Variants in PDE10A observed in about 807,000 individuals in gnomAD.
PDE10A encodes phosphodiesterase 10A, also known as cAMP and cAMP-inhibited cGMP 3',5'-cyclic phosphodiesterase 10A.
PDE10A carries 39 observed loss-of-function variants against 97.7 expected under a neutral mutation model. That is an observed-to-expected ratio of 0.40 (90% CI 0.31 to 0.52). The LOEUF (loss-of-function observed/expected upper bound fraction) is 0.52. Among genes scored for constraint, PDE10A ranks in the 20% least tolerant of loss-of-function variants. The pLI is 0.56. For synonymous variants in PDE10A, 371 were observed against 376.8 expected (o/e 0.98, Z 0.18); for missense variants, 731 against 1,047.8 (o/e 0.70, Z 4.17).
chr6:165,667,709 G>C (rs1170623363), upstream of PDE10A, among the ~76,000 whole-genome samples: 1 of 150,874 alleles, frequency 6.6e-6, no homozygotes. Flanking sequence ...TAAAACCCAA[G>C]CGGAGATTTT....
At chr6:165,804,151 C>G (rs536561330) in intron 1 of PDE10A, among the ~76,000 whole-genome samples, 1 of 152,056 alleles carries the variant, frequency 6.6e-6, no homozygotes, top group Admixed American at 6.5e-5. Flanking sequence ...AACAACACAT[C>G]GGTTTAAAAA....
exon 1 of PDE10A, chr6:165,987,911 T>TGAG (rs1394344384): frequency 2.7e-6 from 1 of 372,540 alleles, no homozygotes; most frequent in East Asian, 7.3e-5. Context: ...CAGCTCAAGC[T>TGAG]CCCAGCAGCA....
At chr6:165,793,643 G>A (rs989435259) in intron 1 of PDE10A, among the ~76,000 whole-genome samples, 3 of 152,190 alleles carry the variant, frequency 2.0e-5, no homozygotes, top group Non-Finnish European at 2.9e-5. Flanking sequence ...CTGCTGCACC[G>A]CTGGGGGTCT....
chr6:165,585,892 T>TC lies in PDE10A; in HGVS notation c.866-42325dup, dbSNP rs966400544. Among the ~76,000 whole-genome samples the TC allele has an allele frequency of 3.3e-5, 5 of 151,718 alleles. 1 individual carries two copies. Among genetic ancestry groups the TC allele is most frequent in the South Asian group, 4.2e-4 (2 of 4,796 alleles). On this transcript the variant is annotated intron_variant, in intron 1 of 21. Transcript: ENST00000539869. ...AGTGAGGCAGCAGTCGCATCCAACA[T>TC]CCCCCCCTTGCGCTAAGTAATCAGC...
chr6:165,818,848 T>A (rs1308271053), intron 1 of PDE10A, among the ~76,000 whole-genome samples: 2 of 152,256 alleles, frequency 1.3e-5, no homozygotes, highest in Non-Finnish European at 2.9e-5. Context: ...CCCTGCTTAC[T>A]TCAGCTGTGT....
chr6:165,441,821 T>G (rs184493041), intron 5 of PDE10A, among the ~76,000 whole-genome samples: 2 of 152,312 alleles, frequency 1.3e-5, no homozygotes, highest in Admixed American at 1.3e-4. Context: ...CCCTACTGGT[T>G]TGCAGAAAGG....
intron 1 of PDE10A, among the ~76,000 whole-genome samples, chr6:165,747,302 C>G (rs985652053): frequency 6.6e-6 from 1 of 152,088 alleles, no homozygotes; most frequent in Non-Finnish European, 1.5e-5. Flanking sequence ...ACATAGGCTT[C>G]CAAGTGAAGA....
At chr6:165,472,654 T>G (rs1308888223) in intron 3 of PDE10A, among the ~76,000 whole-genome samples, 1 of 152,156 alleles carries the variant, frequency 6.6e-6, no homozygotes, top group Non-Finnish European at 1.5e-5. Context: ...TCTTTCAGAT[T>G]AGAATGTCAA....
chr6:165,422,595 C>A (rs1788801572), intron 10 of PDE10A, among the ~76,000 whole-genome samples: 1 of 152,066 alleles, frequency 6.6e-6, no homozygotes, highest in Non-Finnish European at 1.5e-5. Flanking sequence ...TACTTTAAGC[C>A]TAAATGTATT....
At chr6:165,774,831 C>CTTTTTTTTTTTTTTTTTTTTTTT (rs5881660) in intron 1 of PDE10A, 2 of 107,886 alleles carry the variant, frequency 1.9e-5, no homozygotes, top group African/African-American at 3.4e-5. Context: ...ACTTTTTTTT[C>CTTTTTTTTTTTTTTTTTTTTTTT]TTTTTTTTTT....
At chr6:165,464,842 C>A (rs538175905) in intron 3 of PDE10A, among the ~76,000 whole-genome samples, 2 of 152,288 alleles carry the variant, frequency 1.3e-5, no homozygotes, top group South Asian at 4.1e-4. Context: ...GTAGTGTGTT[C>A]CTTTCCATTA....
intron 11 of PDE10A, among the ~76,000 whole-genome samples, chr6:165,417,059 G>A (rs1052837119): frequency 6.6e-6 from 1 of 152,020 alleles, no homozygotes; most frequent in Admixed American, 6.6e-5. Context: ...ATTTTACATA[G>A]TTCAAAAATA....
chr6:165,600,588 T>G (rs1045850411), intron 1 of PDE10A, among the ~76,000 whole-genome samples: 48 of 152,230 alleles, frequency 3.2e-4, no homozygotes, highest in African/African-American at 1.1e-3. Context: ...CTCTCTCCCT[T>G]TAACCCCAGC....
intron 1 of PDE10A, among the ~76,000 whole-genome samples, chr6:165,599,800 G>A (rs758143698): frequency 1.3e-5 from 2 of 152,152 alleles, no homozygotes; most frequent in Non-Finnish European, 2.9e-5. Flanking sequence ...GCTGGTGAGC[G>A]GGCCTCCACG....
intron 10 of PDE10A, among the ~76,000 whole-genome samples, chr6:165,425,770 C>CATATGTGTGTGTGTGT (rs112669910): frequency 0.013 from 1,805 of 143,866 alleles, 19 homozygotes; most frequent in Non-Finnish European, 0.018. Flanking sequence ...AAGGCATGAT[C>CATATGTGTGTGTGTGT]GTGTGTGTGT....
chr6:165,554,783 T>C (rs1562576098), intron 1 of PDE10A, among the ~76,000 whole-genome samples: 1 of 152,090 alleles, frequency 6.6e-6, no homozygotes, highest in African/African-American at 2.4e-5. Flanking sequence ...CATCAACAGA[T>C]GAATGGATAA....
intron 1 of PDE10A, among the ~76,000 whole-genome samples, chr6:165,912,663 C>T (rs1286743011): frequency 1.3e-5 from 2 of 152,128 alleles, no homozygotes; most frequent in African/African-American, 4.8e-5. Context: ...TGTGTTCATG[C>T]TTGAGTGTTA....
chr6:165,428,596 A>G, intron 10 of PDE10A, 62 bp downstream of exon 10: 1 of 706,138 alleles, frequency 1.4e-6, no homozygotes, highest in South Asian at 1.8e-5. Flanking sequence ...ATGTTATGCC[A>G]TATATTAGCA....
At chr6:165,436,247 A>G (rs770030184) in intron 5 of PDE10A, among the ~76,000 whole-genome samples, 3 of 152,206 alleles carry the variant, frequency 2.0e-5, no homozygotes, top group Non-Finnish European at 2.9e-5. Context: ...ACTTGAAGCA[A>G]TAAGTATTAG....
Sources: allele counts gnomAD v4.1 joint callset (sites outside exome capture counted in the v4.1 genomes callset), GRCh38; gene constraint gnomAD v4.1.1; transcripts MANE v1.5; gene names NCBI Gene and HGNC (gene_info 2026-07-23, HGNC 2026-07-21).